Variants in FAM53A observed in about 807,000 individuals in gnomAD.
FAM53A encodes protein FAM53A.
FAM53A carries 28 observed loss-of-function variants against 26.6 expected under a neutral mutation model. The observed-to-expected ratio is 1.05, with a 90% CI of 0.78 to 1.45. The LOEUF is 1.45. Among genes scored for constraint, FAM53A ranks in the 40% most tolerant of loss-of-function variants. FAM53A has a pLI of 0.00. For missense variants in FAM53A, 650 were observed against 575.8 expected, an observed-to-expected ratio of 1.13 and a Z score of -1.32; for synonymous variants, 290 against 253.1, an observed-to-expected ratio of 1.15 and a Z score of -1.38.
chr4:1,615,704 C>T (rs2108732385), downstream of FAM53A, among the ~76,000 whole-genome samples: 1 of 152,382 alleles, frequency 6.6e-6, no homozygotes, highest in East Asian at 1.9e-4. Context: ...TTGTTTGCTG[C>T]TCCTCACATG....
At chr4:1,667,429 C>A (rs1714316613) in intron 2 of FAM53A, among the ~76,000 whole-genome samples, 1 of 152,222 alleles carries the variant, frequency 6.6e-6, no homozygotes, top group South Asian at 2.1e-4. Flanking sequence ...CGTGGACTGA[C>A]AGCCGGAAAC....
At chr4:1,607,807 G>T in the FAM53A span, among the ~76,000 whole-genome samples, 1 of 152,194 alleles carries the variant, frequency 6.6e-6, no homozygotes, top group Non-Finnish European at 1.5e-5. Context: ...GGGCGTGGAG[G>T]CGTGTGCCTG....
At chr4:1,579,651 A>G in the FAM53A span, among the ~76,000 whole-genome samples, 4 of 152,182 alleles carry the variant, frequency 2.6e-5, no homozygotes, top group Admixed American at 6.5e-5. Context: ...CGCCGCTGCG[A>G]GGCGTGAGTG....
chr4:1,636,391 C>T (rs963904660), downstream of FAM53A, among the ~76,000 whole-genome samples: 4 of 152,112 alleles, frequency 2.6e-5, no homozygotes, highest in Admixed American at 6.5e-5. Flanking sequence ...CTGCCTAGGA[C>T]GGGGGTTGTG....
intron 1 of FAM53A, chr4:1,683,774 A>G (rs1300697667): frequency 1.3e-5 from 2 of 152,304 alleles, no homozygotes; most frequent in Admixed American, 6.5e-5. Flanking sequence ...ACCCCTCTAG[A>G]GTCCGGCAGC....
chr4:1,601,560 C>T, the FAM53A span, among the ~76,000 whole-genome samples: 5 of 110,038 alleles, frequency 4.5e-5, 2 homozygotes, highest in South Asian at 2.6e-4. Flanking sequence ...GAACAGGCTG[C>T]GCCCCATTTG....
the FAM53A span, among the ~76,000 whole-genome samples, chr4:1,601,244 C>A: frequency 2.2e-5 from 1 of 44,866 alleles, no homozygotes; most frequent in Non-Finnish European, 7.2e-5. Flanking sequence ...GGACACCCAC[C>A]TGGGTCCCCC....
chr4:1,649,169 A>AAGGGAAGGGGAG (rs1284862704), intron 4 of FAM53A, among the ~76,000 whole-genome samples: 15 of 129,896 alleles, frequency 1.2e-4, no homozygotes, highest in African/African-American at 4.0e-4. Context: ...GGGAAGGGGA[A>AAGGGAAGGGGAG]AGGGAAAGGG....
chr4:1,585,376 T>C, the FAM53A span, among the ~76,000 whole-genome samples: 1 of 140,156 alleles, frequency 7.1e-6, no homozygotes, highest in Non-Finnish European at 1.5e-5. Flanking sequence ...AACCTCTGCC[T>C]CCCAGGTTCA....
At chr4:1,599,224 GCGC>G in the FAM53A span, among the ~76,000 whole-genome samples, 1 of 146,654 alleles carries the variant, frequency 6.8e-6, no homozygotes, top group South Asian at 2.2e-4. This position sits in a 1 kb window ranked among gnomAD's most constrained non-coding sequence, Gnocchi z 6.1. Context: ...GGGTGCCGGA[GCGC>G]AGGGCCGTCA....
At chr4:1,627,355 G>T (rs1200896187) in intron 1 of FAM53A, among the ~76,000 whole-genome samples, 1 of 152,222 alleles carries the variant, frequency 6.6e-6, no homozygotes, top group African/African-American at 2.4e-5. Context: ...ACGCCCTCGG[G>T]TGACAGAGCA....
the FAM53A span, among the ~76,000 whole-genome samples, chr4:1,612,821 T>G: frequency 6.6e-6 from 1 of 152,072 alleles, no homozygotes; most frequent in African/African-American, 2.4e-5. Context: ...GCTTGCATGC[T>G]CTCGGGCACG....
intron 2 of FAM53A, among the ~76,000 whole-genome samples, chr4:1,660,965 G>A (rs578057232): frequency 6.6e-6 from 1 of 152,078 alleles, no homozygotes; most frequent in South Asian, 2.1e-4. Flanking sequence ...CACAGGGCTG[G>A]AGGACACCAC....
intron 2 of FAM53A, among the ~76,000 whole-genome samples, chr4:1,662,751 G>A (rs988295819): frequency 6.6e-6 from 1 of 151,546 alleles, no homozygotes; most frequent in African/African-American, 2.4e-5. Context: ...CTCAAAAGAA[G>A]AGATACAAAT....
the FAM53A span, among the ~76,000 whole-genome samples, chr4:1,597,890 G>A: frequency 6.6e-6 from 1 of 152,230 alleles, no homozygotes; most frequent in African/African-American, 2.4e-5. Flanking sequence ...CAGCTACTCA[G>A]GAGGCTGACG....
At chr4:1,575,195 G>A in the FAM53A span, among the ~76,000 whole-genome samples, 170 of 152,340 alleles carry the variant, frequency 1.1e-3, no homozygotes, top group Non-Finnish European at 7.1e-4. Context: ...ACCCAGCTGT[G>A]CTTGCAGTCC....
the FAM53A span, among the ~76,000 whole-genome samples, chr4:1,578,367 C>A: frequency 3.3e-5 from 5 of 152,088 alleles, no homozygotes; most frequent in Admixed American, 2.6e-4. Flanking sequence ...CAGGGGCGGG[C>A]GTGCCAGGCA....
chr4:1,653,766 G>A (rs1258093759), intron 4 of FAM53A, among the ~76,000 whole-genome samples: 1 of 152,344 alleles, frequency 6.6e-6, no homozygotes, highest in East Asian at 1.9e-4. Context: ...CAAAGCTCAC[G>A]GTGCCCTCAG....
intron 1 of FAM53A, among the ~76,000 whole-genome samples, chr4:1,624,926 G>C (rs1182270490): frequency 1.3e-5 from 2 of 149,674 alleles, no homozygotes; most frequent in Non-Finnish European, 3.0e-5. Context: ...CGGCCCACGT[G>C]GTCAGGGTCA....
Sources: gnomAD v4.1 joint callset for allele counts (sites outside exome capture counted in the v4.1 genomes callset) on GRCh38, gnomAD v4.1.1 for gene constraint, Gnocchi (gnomAD v3.1) non-coding constraint, MANE v1.5 for transcripts, NCBI Gene and HGNC (gene_info 2026-07-23, HGNC 2026-07-21) for gene names.